Variants in BIRC6 observed in about 807,000 individuals in gnomAD.
BIRC6 encodes baculoviral IAP repeat containing 6.
BIRC6 carries 98 observed loss-of-function variants against 503.3 expected under a neutral mutation model. The observed-to-expected ratio is 0.19, with a 90% confidence interval of 0.17 to 0.23. The LOEUF (loss-of-function observed/expected upper bound fraction) is 0.23, where lower values mean the gene tolerates loss of function less well. Among genes scored for constraint, BIRC6 ranks in the 10% least tolerant of loss-of-function variants. The pLI, the probability that BIRC6 is intolerant of heterozygous loss-of-function variation, is 1.00. For synonymous variants in BIRC6, 2,240 were observed against 2,078.7 expected, an observed-to-expected ratio of 1.08 and a Z score of -2.11; for missense variants, 5,360 against 5,806.0, an observed-to-expected ratio of 0.92 and a Z score of 2.50.
intron 38 of BIRC6, 109 bp from the exon 39 acceptor site, chr2:32,482,320 T>C (rs2050498724): frequency 1.9e-6 from 2 of 1,066,992 alleles, no homozygotes; most frequent in African/African-American, 3.2e-5. Flanking sequence ...ATTTAAAGGG[T>C]GGATAGAATA....
intron 10 of BIRC6, among the ~76,000 whole-genome samples, chr2:32,425,549 A>C (rs1326943991): frequency 6.6e-6 from 1 of 151,686 alleles, no homozygotes; most frequent in Non-Finnish European, 1.5e-5. Context: ...ACCTCTAGAA[A>C]TCTTATTCTC....
intron 65 of BIRC6, chr2:32,563,273 T>A (rs904208500): frequency 1.8e-4 from 27 of 152,200 alleles, no homozygotes; most frequent in African/African-American, 5.8e-4. Context: ...CCTGGCTATA[T>A]TTTTATCAGT....
intron 3 of BIRC6, among the ~76,000 whole-genome samples, chr2:32,383,758 CTGACCTCAGGTG>C (rs2038037193): frequency 6.6e-6 from 1 of 152,136 alleles, no homozygotes; most frequent in African/African-American, 2.4e-5. Flanking sequence ...TCTTGAACTC[CTGACCTCAGGTG>C]ATCCAACCGT....
intron 20 of BIRC6, 106 bp downstream of exon 20, chr2:32,443,694 T>C: frequency 1.1e-6 from 1 of 875,756 alleles, no homozygotes. Context: ...AAGTTCACTT[T>C]TCTGTGGCTT....
chr2:32,571,179 C>T (rs2059890418), intron 65 of BIRC6, among the ~76,000 whole-genome samples: 1 of 151,822 alleles, frequency 6.6e-6, no homozygotes, highest in African/African-American at 2.4e-5. Flanking sequence ...TTGTGTCTGA[C>T]TTTATTAGGG....
rs1243757252 is a variant in BIRC6 at position 32,442,205 on chromosome 2, T to C, written c.4085T>C (p.Val1362Ala). The change falls in exon 18 of 74, where the codon GTT (valine) becomes GCT (alanine). Residue 1362 changes from valine (V) to alanine (A), a missense_variant. This residue lies in a region of BIRC6 where 2,299 missense variants were observed against 2,267.2 expected (regional missense o/e 1.01). Transcript: ENST00000421745. ...GATACTCTCTGTTGGTTAGCTGGAG[T>C]TCATTCAAATGGACCCGGAAGGTTA... is the stretch of plus-strand genomic sequence containing the variant. ...VLDTLCWLAG[V>A]HSNGPGSSKE... 8.1e-6 allele frequency: 13 copies of C among 1,606,650 alleles called. No individual in the cohort carries two copies. The highest frequency in any genetic ancestry group is 1.7e-5 in the Admixed American group (1 of 58,330).
chr2:32,357,046 T>A lies in BIRC6; in HGVS notation c.-116T>A. The A allele has an allele frequency of 1.1e-6, 1 of 919,464 alleles. No homozygotes were observed. The highest frequency in any genetic ancestry group is 3.2e-5 in the East Asian group (1 of 30,892). The allele number at this position is 919,464 out of a possible 1,614,324, so 57.0% of individuals were successfully genotyped here. On this transcript the variant is annotated 5_prime_UTR_variant, in exon 1 of 74. Coordinates refer to ENST00000421745, the MANE Select transcript of BIRC6 (RefSeq NM_016252.4). This position sits in a 1 kb window ranked among gnomAD's most constrained non-coding sequence, Gnocchi z 4.9. ...GCCTCCCTCCCTGCTTCTCCCCCTCTCCCGTCAGCCTCCCTCCGAGTTTGG... is the reference window on the plus strand; with the variant it reads ...GCCTCCCTCCCTGCTTCTCCCCCTCACCCGTCAGCCTCCCTCCGAGTTTGG...
At chr2:32,513,232 T>C in intron 54 of BIRC6, 78 bp downstream of exon 54, 1 of 1,007,748 alleles carries the variant, frequency 9.9e-7, no homozygotes, top group South Asian at 1.6e-5. Flanking sequence ...CAAAATATTT[T>C]ACATGTTTAT....
intron 10 of BIRC6, among the ~76,000 whole-genome samples, chr2:32,418,337 C>G (rs1414400809): frequency 6.6e-6 from 1 of 152,192 alleles, no homozygotes; most frequent in Non-Finnish European, 1.5e-5. Context: ...ATCACACCAA[C>G]TTTAATATAC....
intron 72 of BIRC6, 124 bp from the exon 73 acceptor site, chr2:32,611,324 G>A (rs2062861381): frequency 2.1e-6 from 1 of 477,856 alleles, no homozygotes; most frequent in East Asian, 5.1e-5. Context: ...TAATTTAAAT[G>A]TATTTATAGA....
intron 71 of BIRC6, among the ~76,000 whole-genome samples, chr2:32,605,487 C>T (rs2062386929): frequency 6.6e-6 from 1 of 152,104 alleles, no homozygotes; most frequent in Non-Finnish European, 1.5e-5. Context: ...CTTATATTAA[C>T]AGAAGAGGAC....
Position 32,597,473 on chromosome 2 carries a change from T to G in BIRC6, c.13613-278T>G, listed in dbSNP as rs1038482754. Among the ~76,000 whole-genome samples, 7 of 152,326 alleles carry G rather than the reference T, an allele frequency of 4.6e-5. No homozygotes were observed. The East Asian group carries it at 1.2e-3, about 25-fold the overall frequency. On this transcript the variant is annotated intron_variant, in intron 68 of 73. Coordinates refer to ENST00000421745, the MANE Select transcript of BIRC6 (RefSeq NM_016252.4). ...AAAATTTTCCCACTGGGCATAGTAA[T>G]GGGCCCATTTCTTGCATCTGTTAGA...
At chr2:32,547,500 T>G (rs1345030794) in intron 63 of BIRC6, among the ~76,000 whole-genome samples, 1 of 152,210 alleles carries the variant, frequency 6.6e-6, no homozygotes, top group Non-Finnish European at 1.5e-5. Context: ...TTTAGTATAA[T>G]GTTTTCTAGG....
At chr2:32,426,308 A>T (rs1355580609) in intron 10 of BIRC6, among the ~76,000 whole-genome samples, 1 of 152,218 alleles carries the variant, frequency 6.6e-6, no homozygotes, top group Non-Finnish European at 1.5e-5. Flanking sequence ...GTATGTTATA[A>T]ACCCAACAGA....
intron 45 of BIRC6, among the ~76,000 whole-genome samples, chr2:32,494,189 T>A (rs1275335561): frequency 3.9e-5 from 6 of 152,156 alleles, no homozygotes; most frequent in African/African-American, 9.7e-5. Flanking sequence ...TGTCTTTTTT[T>A]ATTCTATATT....
At chr2:32,432,699 G>T (rs1328239972) in intron 12 of BIRC6, among the ~76,000 whole-genome samples, 1 of 151,314 alleles carries the variant, frequency 6.6e-6, no homozygotes, top group African/African-American at 2.4e-5. Context: ...GGTTGAGGCT[G>T]TAGTGAGCCG....
At chr2:32,611,949 C>G (rs1005390281) in intron 73 of BIRC6, among the ~76,000 whole-genome samples, 8 of 152,154 alleles carry the variant, frequency 5.3e-5, no homozygotes, top group African/African-American at 1.9e-4. Flanking sequence ...CATCATGACT[C>G]TCTGTAACCT....
intron 55 of BIRC6, 129 bp downstream of exon 55, chr2:32,515,899 T>A: frequency 2.5e-6 from 2 of 814,034 alleles, no homozygotes; most frequent in Non-Finnish European, 3.7e-6. Context: ...AGCTATAAAG[T>A]ACTGATATCT....
chr2:32,575,287 C>G lies in BIRC6; in HGVS notation c.13276C>G (p.Gln4426Glu). 2 of 1,613,992 alleles carry G rather than the reference C, an allele frequency of 1.2e-6. No individual in the cohort carries two copies. The highest frequency in any genetic ancestry group is 1.7e-6 in the Non-Finnish European group (2 of 1,179,878). The change falls in exon 66 of 74, where the codon CAG becomes GAG. Residue 4426 changes from glutamine (Q) to glutamate (E), a missense_variant. Physicochemically the swap from Gln to Glu is conservative, Grantham distance 29. Around this residue, in one of 16 missense-constraint regions of BIRC6, gnomAD observed 477 missense variants for 574.4 expected, o/e 0.83. Transcript: ENST00000421745. ...STENGEEEEEQSECQTSVGTL... is the reference protein window; with the variant it reads ...STENGEEEEEESECQTSVGTL... Reference sequence around the variant, plus strand: ...AGAGAACGGTGAAGAGGAAGAAGAACAGTCAGAATGTCAAACTTCTGTTGG... The same window carrying G: ...AGAGAACGGTGAAGAGGAAGAAGAAGAGTCAGAATGTCAAACTTCTGTTGG...
Sources: gnomAD v4.1 joint callset for allele counts (sites outside exome capture counted in the v4.1 genomes callset) on GRCh38, gnomAD v4.1.1 for gene constraint, gnomAD v4.1.1 regional missense constraint, Gnocchi (gnomAD v3.1) non-coding constraint, MANE v1.5 for transcripts, NCBI Gene and HGNC (gene_info 2026-07-23, HGNC 2026-07-21) for gene names.